Variants in ITGA11 observed in about 807,000 individuals in gnomAD.
ITGA11 encodes integrin alpha-11.
In ITGA11, 97 loss-of-function variants were observed where a neutral mutation model predicts 141.9. The ratio of observed to expected loss-of-function variants is 0.68; its 90% CI spans 0.58 to 0.81. ITGA11 has a LOEUF of 0.81. Among genes scored for constraint, ITGA11 ranks in the 30% least tolerant of loss-of-function variants. The pLI is 0.00. For synonymous variants in ITGA11, 658 were observed against 624.6 expected (o/e 1.05, Z -0.80); for missense variants, 1,387 against 1,559.2 (o/e 0.89, Z 1.86).
In ITGA11 at chr15:68,302,851, G is replaced by A; in HGVS notation, c.*208C>T. The A allele has an allele frequency of 1.7e-6, 1 of 573,038 alleles. No homozygotes were observed. The highest frequency in any genetic ancestry group is 3.1e-5 in the Admixed American group (1 of 32,048). The allele number at this position is 573,038 out of a possible 1,614,324, so 35.5% of individuals were successfully genotyped here. Reference sequence around the variant, plus strand: ...ATCCCTAGGGGTCTGTGTTAAAGGTGTCCCAGTCTCCCAGTAGGGCAGTTC... The same window carrying A: ...ATCCCTAGGGGTCTGTGTTAAAGGTATCCCAGTCTCCCAGTAGGGCAGTTC... On this transcript the variant is annotated 3_prime_UTR_variant, in exon 30 of 30. Coordinates refer to ENST00000315757, the MANE Select transcript of ITGA11 (RefSeq NM_001004439.2).
intron 1 of ITGA11, among the ~76,000 whole-genome samples, chr15:68,423,145 G>A (rs1897058334): frequency 1.3e-5 from 2 of 152,108 alleles, no homozygotes; most frequent in Admixed American, 1.3e-4. Context: ...GCTATGTCTC[G>A]CGCTGTGCAA....
Position 68,326,718 on chromosome 15 carries a change from G to C in ITGA11, c.2147C>G (p.Thr716Ser), listed in dbSNP as rs903934215. Residue 716 changes from threonine to serine, a missense_variant, in exon 17 of 30, where the codon ACC (threonine) becomes AGC (serine). Physicochemically the swap from Thr to Ser is moderately conservative, Grantham distance 58. Coordinates refer to ENST00000315757, the MANE Select transcript of ITGA11 (RefSeq NM_001004439.2). This position sits in a 1 kb window ranked among gnomAD's most constrained non-coding sequence, Gnocchi z 6.8. ...AHLDEGGDRF[T>S]NRAVLLSSGQ... ...GGAGGAGAGCAGTACGGCTCTGTTG[G>C]TGAATCGGTCCCCGCCCTCGTCCAG... 2.5e-6 allele frequency: 4 copies of C among 1,585,382 alleles called. No homozygotes were observed. Among genetic ancestry groups the C allele is most frequent in the Non-Finnish European group, 3.4e-6 (4 of 1,165,840 alleles).
rs1483305569 is a variant in ITGA11 at position 68,324,093 on chromosome 15, G to A, written c.2322+1038C>T. On this transcript the variant is annotated intron_variant, in intron 18 of 29. Coordinates refer to ENST00000315757, the MANE Select transcript of ITGA11 (RefSeq NM_001004439.2). This position sits in a 1 kb window ranked among gnomAD's most constrained non-coding sequence, Gnocchi z 6.3. ...TTTCCCCTTCTCCCGGCTCACTAAC[G>A]ATGAATCCAGCTTTGCCAGCCCAGG... is the stretch of plus-strand genomic sequence containing the variant. Among the ~76,000 whole-genome samples, 5 of 151,998 alleles carry A rather than the reference G, an allele frequency of 3.3e-5. No individual in the cohort carries two copies. Among genetic ancestry groups the A allele is most frequent in the Non-Finnish European group, 5.9e-5 (4 of 67,998 alleles).
chr15:68,370,190 C>T (rs976722219), intron 2 of ITGA11, among the ~76,000 whole-genome samples: 2 of 152,186 alleles, frequency 1.3e-5, no homozygotes, highest in Non-Finnish European at 2.9e-5. Flanking sequence ...TGTTTTAAGC[C>T]ACGCAGGTTG....
chr15:68,329,320 TA>T (rs1311119027), intron 15 of ITGA11, among the ~76,000 whole-genome samples: 2 of 152,010 alleles, frequency 1.3e-5, no homozygotes, highest in African/African-American at 2.4e-5. Flanking sequence ...TTGGGGAGTT[TA>T]AAAAAAATTA....
Position 68,358,481 on chromosome 15 carries a change from A to G in ITGA11, c.577T>C (p.Tyr193His). The change falls in exon 6 of 30, where the codon TAC (tyrosine) becomes CAC (histidine). Residue 193 changes from tyrosine (Y) to histidine (H), a missense_variant. Physicochemically the swap from Tyr to His is moderately conservative, Grantham distance 83 (BLOSUM62 2). Transcript: ENST00000315757. ...ACCTGGATCTGCCCTGGGCCAATGT[A>G]AAACTTTTTCAGGATGTTGATGAGG... ...HFLINILKKF[Y>H]IGPGQIQVGV... The G allele has an allele frequency of 2.5e-6, 4 of 1,612,996 alleles. No homozygotes were observed. Among genetic ancestry groups the G allele is most frequent in the Non-Finnish European group, 3.4e-6 (4 of 1,179,614 alleles).
chr15:68,325,157 C>T lies in ITGA11; in HGVS notation c.2296G>A (p.Gly766Ser), dbSNP rs768158251. The T allele has an allele frequency of 4.5e-5, 72 of 1,613,726 alleles. No homozygotes were observed. Among genetic ancestry groups the T allele is most frequent in the Non-Finnish European group, 5.6e-5 (66 of 1,179,824 alleles). The change falls in exon 18 of 30, where the codon GGC (glycine) becomes AGC (serine). Residue 766 changes from glycine (G) to serine (S), a missense_variant. Physicochemically the swap from Gly to Ser is moderately conservative, Grantham distance 56 (BLOSUM62 0). Coordinates refer to ENST00000315757, the MANE Select transcript of ITGA11 (RefSeq NM_001004439.2). The surrounding 1 kb of genome is among the most constrained non-coding windows in gnomAD (Gnocchi z 5.5). ...DPDHGPMLDD[G>S]WPTTLRVSVP... is the part of the protein sequence containing the mutation. The stretch of plus-strand genomic sequence containing the variant: ...GAGACTCTGAGAGTGGTGGGCCAGC[C>T]GTCGTCCAGCATGGGGCCATGGTCA...
At chr15:68,360,428 C>T (rs1264111843) in intron 5 of ITGA11, among the ~76,000 whole-genome samples, 4 of 152,100 alleles carry the variant, frequency 2.6e-5, no homozygotes, top group Non-Finnish European at 5.9e-5. Context: ...TTGAGGGCTA[C>T]GGTTCCTAAA....
chr15:68,350,852 T>G, intron 8 of ITGA11, 70 bp from the exon 9 acceptor site: 2 of 1,497,430 alleles, frequency 1.3e-6, no homozygotes, highest in Non-Finnish European at 1.8e-6. Flanking sequence ...CCACACGGCC[T>G]AGACCCTGGG....
At chr15:68,390,634 G>A (rs999787706) in intron 2 of ITGA11, among the ~76,000 whole-genome samples, 3 of 152,196 alleles carry the variant, frequency 2.0e-5, no homozygotes, top group African/African-American at 7.2e-5. Flanking sequence ...TACCACAGAG[G>A]CAGGAAGAGC....
rs1301011252 is a variant in ITGA11 at position 68,328,216 on chromosome 15, A to G, written c.1948T>C (p.Ser650Pro). Residue 650 changes from serine to proline, a missense_variant, in exon 16 of 30, where the codon TCC becomes CCC. Coordinates refer to ENST00000315757, the MANE Select transcript of ITGA11 (RefSeq NM_001004439.2). The surrounding 1 kb of genome is among the most constrained non-coding windows in gnomAD (Gnocchi z 4.8). ...TCTCTGTGGAAGATGTTGATCTTGG[A>G]TGGCTCAAAGTGGAGGCTGGCATTG... ...QINASLHFEPSKINIFHRDCK... is the reference protein window; with the variant it reads ...QINASLHFEPPKINIFHRDCK... The G allele has an allele frequency of 2.0e-5, 33 of 1,613,790 alleles. No individual in the cohort carries two copies. The highest frequency in any genetic ancestry group is 2.8e-5 in the Non-Finnish European group (33 of 1,179,886).
intron 1 of ITGA11, among the ~76,000 whole-genome samples, chr15:68,425,080 G>T (rs955676734): frequency 6.6e-6 from 1 of 152,204 alleles, no homozygotes; most frequent in Non-Finnish European, 1.5e-5. Flanking sequence ...ACTTGGAGGT[G>T]CCTGGGGCTT....
At position 68,307,042 on chromosome 15, in the gene ITGA11, G is replaced by A. The variant is rs1157185132; in HGVS notation, c.3381+306C>T. On this transcript the variant is annotated intron_variant, in intron 28 of 29. Coordinates refer to ENST00000315757, the MANE Select transcript of ITGA11 (RefSeq NM_001004439.2). This position sits in a 1 kb window ranked among gnomAD's most constrained non-coding sequence, Gnocchi z 6.1. The stretch of plus-strand genomic sequence containing the variant: ...TTCCTGGACCCTGGATGAAGCCAGT[G>A]TAATCTGTAACAATCTGCTTTTACG... Among the ~76,000 whole-genome samples the A allele has an allele frequency of 2.0e-5, 3 of 152,242 alleles. No individual in the cohort carries two copies. The East Asian group carries it at 5.8e-4, about 29-fold the overall frequency.
At chr15:68,320,510 G>A in intron 19 of ITGA11, 118 bp from the exon 20 acceptor site, 1 of 719,756 alleles carries the variant, frequency 1.4e-6, no homozygotes. Flanking sequence ...CTCTGCTCAT[G>A]GGAATAGCCA....
At position 68,307,805 on chromosome 15, in the gene ITGA11, C is replaced by G. The variant is rs1893251935; in HGVS notation, c.3175-109G>C. 1 of 697,568 alleles carries G rather than the reference C, an allele frequency of 1.4e-6. No homozygotes were observed. Among genetic ancestry groups the G allele is most frequent in the Non-Finnish European group, 2.4e-6 (1 of 408,876 alleles). The allele number at this position is 697,568 out of a possible 1,614,324, so 43.2% of individuals were successfully genotyped here. ...TGCTCCTGGGGGCAGGGGCAGAGGA[C>G]AGGGGACAAAGAGAAAGTTGGGAGT... On this transcript the variant is annotated intron_variant, in intron 26 of 29. Transcript: ENST00000315757. This position sits in a 1 kb window ranked among gnomAD's most constrained non-coding sequence, Gnocchi z 6.1.
Position 68,306,352 on chromosome 15 carries a change from G to A in ITGA11, c.3381+996C>T, listed in dbSNP as rs139702465. Among the ~76,000 whole-genome samples, 79 of 152,076 alleles carry A rather than the reference G, an allele frequency of 5.2e-4. 2 individuals carry two copies. The East Asian group carries it at 0.013, about 25-fold the overall frequency. On this transcript the variant is annotated intron_variant, in intron 28 of 29. Coordinates refer to ENST00000315757, the MANE Select transcript of ITGA11 (RefSeq NM_001004439.2). Reference sequence around the variant, plus strand: ...GTGTGTGTGAGCAGGGTATGTGTGGGGGAGCGGGGGTGCCTGTACCACACC... The same window carrying A: ...GTGTGTGTGAGCAGGGTATGTGTGGAGGAGCGGGGGTGCCTGTACCACACC...
rs747666886 is a variant in ITGA11, at chr15:68,351,257, C to T, written c.894+1G>A. On this transcript the variant is annotated splice_donor_variant, in intron 8 of 29. Coordinates refer to ENST00000315757, the MANE Select transcript of ITGA11 (RefSeq NM_001004439.2). LOFTEE classifies it high-confidence loss of function. ...CAGCCCTTGGGCGGGCCAGGACTTA[C>T]GGCCACCGCATATCTTGTTACGTTG... is the stretch of plus-strand genomic sequence containing the variant. 15 of 1,613,634 alleles carry T rather than the reference C, an allele frequency of 9.3e-6. No individual in the cohort carries two copies. Among genetic ancestry groups the T allele is most frequent in the East Asian group, 2.2e-5 (1 of 44,888 alleles).
At chr15:68,355,755 T>C (rs1895053233) in intron 7 of ITGA11, among the ~76,000 whole-genome samples, 1 of 115,134 alleles carries the variant, frequency 8.7e-6, no homozygotes, top group Non-Finnish European at 1.8e-5. Flanking sequence ...CCTAAATAGC[T>C]CTTACTTTGT....
intron 1 of ITGA11, among the ~76,000 whole-genome samples, chr15:68,410,401 A>G (rs1228952876): frequency 6.6e-6 from 1 of 152,154 alleles, no homozygotes; most frequent in Non-Finnish European, 1.5e-5. Flanking sequence ...CACTCTTCCC[A>G]GTTTTACTTG....
Sources: gnomAD v4.1 joint callset for allele counts (sites outside exome capture counted in the v4.1 genomes callset) on GRCh38, gnomAD v4.1.1 for gene constraint, Gnocchi (gnomAD v3.1) non-coding constraint, MANE v1.5 for transcripts, NCBI Gene and HGNC (gene_info 2026-07-23, HGNC 2026-07-21) for gene names.